Variants in ATP10B observed in about 807,000 individuals in gnomAD.
ATP10B encodes phospholipid-transporting ATPase VB.
A neutral mutation model predicts 141.2 loss-of-function variants in ATP10B; 122 were observed. The ratio of observed to expected loss-of-function variants is 0.86; its 90% CI spans 0.75 to 1.00. The LOEUF (loss-of-function observed/expected upper bound fraction) is 1.00, where lower values mean the gene tolerates loss of function less well. ATP10B is among the 50% of genes least tolerant of loss of function. The pLI, the probability that ATP10B is intolerant of heterozygous loss-of-function variation, is 0.00. For synonymous variants in ATP10B, 685 were observed against 692.0 expected (o/e 0.99, Z 0.16); for missense variants, 1,876 against 1,825.3 (o/e 1.03, Z -0.51).
At chr5:160,740,460 G>C (rs1195647576) in intron 2 of ATP10B, among the ~76,000 whole-genome samples, 3 of 152,082 alleles carry the variant, frequency 2.0e-5, no homozygotes, top group African/African-American at 7.2e-5. Flanking sequence ...CTCCAAATGT[G>C]GGGTTAGCTT....
rs1386768833 is a variant in ATP10B at position 160,640,507 on chromosome 5, G to T, written c.954C>A (p.Phe318Leu). The change falls in exon 10 of 26, where the codon TTC becomes TTA. Residue 318 changes from phenylalanine (F) to leucine (L), a missense_variant. Phe to Leu is a conservative substitution (Grantham distance 22). Coordinates refer to ENST00000327245, the MANE Select transcript of ATP10B (RefSeq NM_025153.3). ...TGAGGATGAGGATCCCAATGCAGAA[G>T]AAGATGTCTATATTCATGCGCCGCT... ...KIERRMNIDI[F>L]FCIGILILMC... 3 of 1,614,022 alleles carry T rather than the reference G, an allele frequency of 1.9e-6. No homozygotes were observed. The highest frequency in any genetic ancestry group is 2.5e-6 in the Non-Finnish European group (3 of 1,180,004).
At chr5:160,879,803 A>C in the ATP10B span, among the ~76,000 whole-genome samples, 3 of 152,110 alleles carry the variant, frequency 2.0e-5, no homozygotes, top group African/African-American at 7.2e-5. Flanking sequence ...GCGCCACTGC[A>C]CTCCAGCCTG....
intron 2 of ATP10B, among the ~76,000 whole-genome samples, chr5:160,741,946 A>G (rs1767510667): frequency 6.6e-6 from 1 of 152,236 alleles, no homozygotes; most frequent in South Asian, 2.1e-4. Flanking sequence ...TTTTGCAAAC[A>G]TTATTTCTAT....
chr5:160,727,814 G>A (rs1300066115), intron 2 of ATP10B, among the ~76,000 whole-genome samples: 3 of 152,146 alleles, frequency 2.0e-5, no homozygotes, highest in Middle Eastern at 3.2e-3. Context: ...CTAGCATTAT[G>A]CATTAGCCAG....
At chr5:160,716,081 T>C (rs1765637852) in intron 3 of ATP10B, among the ~76,000 whole-genome samples, 1 of 152,130 alleles carries the variant, frequency 6.6e-6, no homozygotes, top group African/African-American at 2.4e-5. Flanking sequence ...TCTATATACA[T>C]ACCTTGAAGC....
chr5:160,599,990 GCTCT>G (rs1271469421), intron 21 of ATP10B, among the ~76,000 whole-genome samples: 6 of 152,064 alleles, frequency 3.9e-5, no homozygotes, highest in Admixed American at 6.6e-5. Flanking sequence ...TTTTGGAGGG[GCTCT>G]CTATTTTAAC....
chr5:160,741,588 A>G (rs1767484354), intron 2 of ATP10B, among the ~76,000 whole-genome samples: 1 of 152,216 alleles, frequency 6.6e-6, no homozygotes, highest in South Asian at 2.1e-4. Context: ...ATGGCATGCA[A>G]AGAATGAGAA....
At chr5:160,659,609 G>A (rs73306660) in intron 7 of ATP10B, among the ~76,000 whole-genome samples, 2,108 of 152,136 alleles carry the variant, frequency 0.014, 53 homozygotes, top group African/African-American at 0.048. Context: ...TTGGGAAGAG[G>A]GGACATTGTG....
chr5:160,669,366 C>T (rs1179136082), intron 7 of ATP10B, among the ~76,000 whole-genome samples: 2 of 152,126 alleles, frequency 1.3e-5, no homozygotes, highest in Non-Finnish European at 2.9e-5. Flanking sequence ...CCCCATTTTC[C>T]AGATGAGGGA....
chr5:160,887,800 C>A, the ATP10B span, among the ~76,000 whole-genome samples: 1 of 152,150 alleles, frequency 6.6e-6, no homozygotes, highest in South Asian at 2.1e-4. Context: ...TGTCAAGGGC[C>A]AACTTCCGGA....
At chr5:160,916,762 T>C in the ATP10B span, among the ~76,000 whole-genome samples, 4 of 152,174 alleles carry the variant, frequency 2.6e-5, no homozygotes, top group South Asian at 4.1e-4. Flanking sequence ...TACCCTCTAA[T>C]AGCCTGAGGA....
intron 3 of ATP10B, among the ~76,000 whole-genome samples, chr5:160,709,906 C>A (rs1488232053): frequency 1.9e-5 from 2 of 107,580 alleles, no homozygotes; most frequent in Non-Finnish European, 3.8e-5. Context: ...TGATGATTTC[C>A]AATTTCATCC....
chr5:160,903,129 G>A, the ATP10B span, among the ~76,000 whole-genome samples: 1 of 152,184 alleles, frequency 6.6e-6, no homozygotes, highest in Admixed American at 6.5e-5. Flanking sequence ...TCTTAGAGAT[G>A]ATCCACTCAA....
chr5:160,895,351 G>A, the ATP10B span, among the ~76,000 whole-genome samples: 105 of 152,038 alleles, frequency 6.9e-4, no homozygotes, highest in African/African-American at 2.4e-3. Flanking sequence ...ATAAAGGGGT[G>A]GAGAAATATT....
At chr5:160,622,989 C>T (rs1436593517) in intron 13 of ATP10B, among the ~76,000 whole-genome samples, 1 of 152,164 alleles carries the variant, frequency 6.6e-6, no homozygotes, top group African/African-American at 2.4e-5. Context: ...GCATTCTTGA[C>T]TTCAAAAAAC....
At chr5:160,612,572 T>C in intron 18 of ATP10B, 169 bp downstream of exon 18, 1 of 527,034 alleles carries the variant, frequency 1.9e-6, no homozygotes. Context: ...TAAAGGATAT[T>C]GGGCTGGATG....
In ATP10B at chr5:160,767,641, C is replaced by CCGCCG. The variant is rs1554113859; in HGVS notation, c.-331+17917_-331+17918insCGGCG. 5.7e-3 allele frequency among the ~76,000 whole-genome samples: 654 copies of CCGCCG among 114,194 alleles called. 45 individuals carry two copies. The highest frequency in any genetic ancestry group is 0.018 in the African/African-American group (621 of 35,102). 74.9% of individuals were successfully genotyped at this position (114,194 alleles called of 152,430 possible). A position where few individuals can be genotyped will look rare whatever the true frequency, so the allele number is the denominator to read the frequency against. ...TGAGGGTCATGTGTGCAGAACCCCC[C>CCGCCG]CCCCCAAAATAACAGGTTACTCTGA... is the stretch of plus-strand genomic sequence containing the variant. On this transcript the variant is annotated intron_variant, in intron 2 of 25. Coordinates refer to ENST00000327245, the MANE Select transcript of ATP10B (RefSeq NM_025153.3).
At chr5:160,896,949 T>A in the ATP10B span, among the ~76,000 whole-genome samples, 1 of 152,194 alleles carries the variant, frequency 6.6e-6, no homozygotes, top group Non-Finnish European at 1.5e-5. Flanking sequence ...CACCACATGA[T>A]TATCTCAATA....
the ATP10B span, among the ~76,000 whole-genome samples, chr5:160,869,546 A>T: frequency 2.2e-3 from 338 of 152,254 alleles, 3 homozygotes; most frequent in African/African-American, 7.9e-3. Context: ...CTGGCTTCCA[A>T]TTCTGCATGT....
Sources: allele counts gnomAD v4.1 joint callset (sites outside exome capture counted in the v4.1 genomes callset), GRCh38; gene constraint gnomAD v4.1.1; transcripts MANE v1.5; gene names NCBI Gene and HGNC (gene_info 2026-07-23, HGNC 2026-07-21).